Variants in PHC2 observed in about 807,000 individuals in gnomAD.
PHC2 encodes the protein polyhomeotic homolog 2.
Under a neutral mutation model 87.4 loss-of-function variants are expected in PHC2, and 29 were observed. That is an observed-to-expected ratio of 0.33 (90% confidence interval 0.25 to 0.45). PHC2 has a LOEUF of 0.45. Among genes scored for constraint, PHC2 ranks in the 20% least tolerant of loss-of-function variants. The pLI is 1.00. For missense variants in PHC2, 857 were observed against 1,136.7 expected, an observed-to-expected ratio of 0.75 and a Z score of 3.54; for synonymous variants, 438 against 461.7, an observed-to-expected ratio of 0.95 and a Z score of 0.66.
In PHC2 at chr1:33,332,256, C is replaced by G. The variant is rs770925876; in HGVS notation, c.1891+19G>C. 8 of 1,613,892 alleles carry G rather than the reference C, an allele frequency of 5.0e-6. No individual in the cohort carries two copies. The African/African-American group carries it at 9.3e-5, about 19-fold the overall frequency. ...AGCCACGCTGGGAGGCCGAGAGATT[C>G]AGGGTCTGAGATGCCCACCTTGCAG... On this transcript the variant is annotated intron_variant, in intron 11 of 14. Coordinates refer to ENST00000683057, the MANE Select transcript of PHC2 (RefSeq NM_001385109.1). This position sits in a 1 kb window ranked among gnomAD's most constrained non-coding sequence, Gnocchi z 4.2.
Position 33,364,817 on chromosome 1 carries a change from A to C in PHC2, c.976+2299T>G, listed in dbSNP as rs893733926. Among the ~76,000 whole-genome samples, 3 of 152,156 alleles carry C rather than the reference A, an allele frequency of 2.0e-5. No homozygotes were observed. The highest frequency in any genetic ancestry group is 4.8e-5 in the African/African-American group (2 of 41,438). Reference sequence around the variant, plus strand: ...TGCAGCTCACAGCTGCTCCATAGAAAGTTCTGTGGAGCCACTGGTCTCTGT... The same window carrying C: ...TGCAGCTCACAGCTGCTCCATAGAACGTTCTGTGGAGCCACTGGTCTCTGT... On this transcript the variant is annotated intron_variant, in intron 7 of 14. Coordinates refer to ENST00000683057, the MANE Select transcript of PHC2 (RefSeq NM_001385109.1). This position sits in a 1 kb window ranked among gnomAD's most constrained non-coding sequence, Gnocchi z 4.1.
chr1:33,367,517 A>ATGGATCCAGGC, intron 6 of PHC2, 89 bp from the exon 7 acceptor site: 1 of 1,012,616 alleles, frequency 9.9e-7, no homozygotes, highest in African/African-American at 1.6e-5. Context: ...TGGATCCAGG[A>ATGGATCCAGGC]ATGGCTGAAT....
chr1:33,409,382 G>A (rs1297113874), intron 1 of PHC2, among the ~76,000 whole-genome samples: 1 of 152,118 alleles, frequency 6.6e-6, no homozygotes, highest in African/African-American at 2.4e-5. Context: ...TTAAGAAAGA[G>A]TGTGTAACAA....
intron 9 of PHC2, among the ~76,000 whole-genome samples, chr1:33,351,261 GT>G (rs1646966572): frequency 6.6e-6 from 1 of 152,114 alleles, no homozygotes; most frequent in Non-Finnish European, 1.5e-5. Flanking sequence ...TAATTTTCAT[GT>G]ATCATGAAAT....
Position 33,382,715 on chromosome 1 carries a change from C to T in PHC2, c.-54-7122G>A, listed in dbSNP as rs1648549166. Among the ~76,000 whole-genome samples the T allele has an allele frequency of 6.6e-6, 1 of 152,182 alleles. No homozygotes were observed. Among genetic ancestry groups the T allele is most frequent in the Non-Finnish European group, 1.5e-5 (1 of 68,038 alleles). On this transcript the variant is annotated intron_variant, in intron 1 of 14. Coordinates refer to ENST00000683057, the MANE Select transcript of PHC2 (RefSeq NM_001385109.1). This position sits in a 1 kb window ranked among gnomAD's most constrained non-coding sequence, Gnocchi z 4.3. ...CTTGGATAGTGATCTTATTACAGGT[C>T]TCTGCTGCCCACAGGGCCTGAGACC...
Position 33,328,901 on chromosome 1 carries a change from T to G in PHC2, c.2394A>C (p.Glu798Asp). Reference protein sequence around the residue: ...LPSEPTKWNVEDVYEFIRSLP... With the variant: ...LPSEPTKWNVDDVYEFIRSLP... ...GAGAGCGGATGAATTCGTAGACGTCTTCTACATTCCACTTGGTGGGCTCAC... is the reference window on the plus strand; with the variant it reads ...GAGAGCGGATGAATTCGTAGACGTCGTCTACATTCCACTTGGTGGGCTCAC... The change falls in exon 14 of 15, where the codon GAA becomes GAC. Residue 798 changes from glutamate (E) to aspartate (D), a missense_variant. Physicochemically the swap from Glu to Asp is conservative, Grantham distance 45. Coordinates refer to ENST00000683057, the MANE Select transcript of PHC2 (RefSeq NM_001385109.1). The G allele has an allele frequency of 6.2e-7, 1 of 1,613,190 alleles. No homozygotes were observed. The highest frequency in any genetic ancestry group is 8.5e-7 in the Non-Finnish European group (1 of 1,179,216).
At chr1:33,356,784 C>T (rs1647096381) in intron 7 of PHC2, among the ~76,000 whole-genome samples, 1 of 152,302 alleles carries the variant, frequency 6.6e-6, no homozygotes, top group African/African-American at 2.4e-5. Flanking sequence ...TCATCATGGC[C>T]CGTTCTCAAT....
chr1:33,415,857 A>G (rs1234415323), intron 1 of PHC2, among the ~76,000 whole-genome samples: 1 of 152,226 alleles, frequency 6.6e-6, no homozygotes, highest in African/African-American at 2.4e-5. Flanking sequence ...AGAATACAAC[A>G]TCTGAAACCA....
chr1:33,365,481 G>C (rs1222195819), intron 7 of PHC2, among the ~76,000 whole-genome samples: 1 of 152,196 alleles, frequency 6.6e-6, no homozygotes, highest in African/African-American at 2.4e-5. Context: ...CAGATGGTCC[G>C]CCAGGGCATG....
chr1:33,398,339 G>A (rs1207286716), intron 1 of PHC2, among the ~76,000 whole-genome samples: 1 of 152,174 alleles, frequency 6.6e-6, no homozygotes, highest in Non-Finnish European at 1.5e-5. Context: ...TGTCTAATAG[G>A]CTTCCCCTAG....
At chr1:33,403,347 G>A (rs1222275568) in intron 1 of PHC2, among the ~76,000 whole-genome samples, 3 of 151,146 alleles carry the variant, frequency 2.0e-5, no homozygotes, top group African/African-American at 7.3e-5. Context: ...GGATGGTCTC[G>A]ATCTCTTGAC....
At chr1:33,415,384 A>C (rs1380418089) in intron 1 of PHC2, among the ~76,000 whole-genome samples, 1 of 152,246 alleles carries the variant, frequency 6.6e-6, no homozygotes, top group Non-Finnish European at 1.5e-5. Flanking sequence ...TAGACAAGGA[A>C]TTAGATACAA....
intron 1 of PHC2, among the ~76,000 whole-genome samples, chr1:33,391,399 C>T (rs547338546): frequency 1.4e-4 from 22 of 152,302 alleles, no homozygotes; most frequent in Admixed American, 2.0e-4. Flanking sequence ...AGTACATGTA[C>T]TCAGAAAGGG....
intron 1 of PHC2, among the ~76,000 whole-genome samples, chr1:33,378,233 C>G (rs1648284222): frequency 6.6e-6 from 1 of 152,104 alleles, no homozygotes; most frequent in Non-Finnish European, 1.5e-5. Context: ...ATCTTATGTT[C>G]TAGGGAGGGA....
chr1:33,396,065 T>C (rs1649280878), intron 1 of PHC2, among the ~76,000 whole-genome samples: 1 of 152,218 alleles, frequency 6.6e-6, no homozygotes, highest in Non-Finnish European at 1.5e-5. Context: ...ATATGGTATC[T>C]ATAATGCTTT....
chr1:33,367,188 C>T lies in PHC2; in HGVS notation c.904G>A (p.Gly302Arg). 1.9e-6 allele frequency: 3 copies of T among 1,614,238 alleles called. No individual in the cohort carries two copies. In the East Asian group the frequency reaches 6.7e-5, roughly 36 times the overall value. The change falls in exon 7 of 15, where the codon GGG becomes AGG. Residue 302 changes from glycine (G) to arginine (R), a missense_variant. By Grantham distance (125) the Gly-to-Arg change is moderately radical. Around this residue, in one of 3 missense-constraint regions of PHC2, gnomAD observed 832 missense variants for 1,081.8 expected, o/e 0.77. Transcript: ENST00000683057. ...AGCCCAGCCCGGCCTTCCATGCTCC[C>T]TGGCACACTGCTGTTGCCATCTCCT... ...KKGDGNSSVPGSMEGRAGLSR... is the reference protein window; with the variant it reads ...KKGDGNSSVPRSMEGRAGLSR...
chr1:33,344,896 A>G (rs895341264), intron 9 of PHC2, among the ~76,000 whole-genome samples: 1 of 148,868 alleles, frequency 6.7e-6, no homozygotes, highest in South Asian at 2.1e-4. Context: ...CCTGGTCCCA[A>G]TTTTTTTTTT....
intron 7 of PHC2, among the ~76,000 whole-genome samples, chr1:33,360,785 T>C (rs1159030467): frequency 6.6e-6 from 1 of 152,130 alleles, no homozygotes; most frequent in African/African-American, 2.4e-5. Context: ...GAGCTGAGAG[T>C]AGTTTCCAAG....
chr1:33,396,444 T>C (rs1167388892), intron 1 of PHC2, among the ~76,000 whole-genome samples: 1 of 152,222 alleles, frequency 6.6e-6, no homozygotes, highest in African/African-American at 2.4e-5. Flanking sequence ...TTCTGCATAA[T>C]TGCTTCATTT....
Sources: allele counts gnomAD v4.1 joint callset (sites outside exome capture counted in the v4.1 genomes callset), GRCh38; gene constraint gnomAD v4.1.1; regional missense constraint gnomAD v4.1.1; non-coding constraint Gnocchi (gnomAD v3.1); transcripts MANE v1.5; gene names NCBI Gene and HGNC (gene_info 2026-07-23, HGNC 2026-07-21).